Variants in ACSF2 observed in about 807,000 individuals in gnomAD.
ACSF2 encodes medium-chain acyl-CoA ligase ACSF2, mitochondrial.
In ACSF2, 52 loss-of-function variants were observed where a neutral mutation model predicts 79.3. That is an observed-to-expected ratio of 0.66 (90% confidence interval 0.53 to 0.83). The LOEUF is 0.83. Among genes scored for constraint, ACSF2 ranks in the 40% least tolerant of loss-of-function variants. The pLI, the probability that ACSF2 is intolerant of heterozygous loss-of-function variation, is 0.00. For synonymous variants in ACSF2, 283 were observed against 312.6 expected (o/e 0.91, Z 1.00); for missense variants, 661 against 803.3 (o/e 0.82, Z 2.14).
rs182248172 is a variant in ACSF2 at position 50,460,756 on chromosome 17, A to G, written c.208A>G (p.Asn70Asp). 191 of 1,613,480 alleles carry G rather than the reference A, an allele frequency of 1.2e-4. 1 individual carries two copies. Among genetic ancestry groups the G allele is most frequent in the Non-Finnish European group, 8.1e-5 (95 of 1,179,736 alleles). Residue 70 changes from asparagine (N) to aspartate (D), a missense_variant, in exon 2 of 16, where the codon AAC (asparagine) becomes GAC (aspartate). Asn to Asp is a conservative substitution (Grantham distance 23, BLOSUM62 1). Coordinates refer to ENST00000300441, the MANE Select transcript of ACSF2 (RefSeq NM_025149.6). Reference protein sequence around the residue: ...YVQGCTKKHLNSKTVGQCLET... With the variant: ...YVQGCTKKHLDSKTVGQCLET... ...TCAGGGGTGCACCAAAAAGCATCTTAACAGCAAGACTGTGGGCCAGTGCCT... is the reference window on the plus strand; with the variant it reads ...TCAGGGGTGCACCAAAAAGCATCTTGACAGCAAGACTGTGGGCCAGTGCCT...
intron 10 of ACSF2, chr17:50,469,023 G>A: frequency 4.5e-6 from 6 of 1,340,906 alleles, no homozygotes; most frequent in Non-Finnish European, 5.7e-6. Flanking sequence ...CGGGGAAGGG[G>A]GCGGGGCCGT....
At chr17:50,459,703 A>C (rs986323136) in intron 1 of ACSF2, among the ~76,000 whole-genome samples, 1 of 152,022 alleles carries the variant, frequency 6.6e-6, no homozygotes, top group East Asian at 1.9e-4. Context: ...GATGGAGAAA[A>C]CTGGGGAGTA....
At chr17:50,444,704 T>TA (rs1440965969) in intron 1 of ACSF2, among the ~76,000 whole-genome samples, 2 of 151,654 alleles carry the variant, frequency 1.3e-5, no homozygotes, top group African/African-American at 4.8e-5. Context: ...GCAGGCATCA[T>TA]AATATCCATA....
chr17:50,452,047 T>A (rs2031710823), intron 1 of ACSF2, among the ~76,000 whole-genome samples: 1 of 152,106 alleles, frequency 6.6e-6, no homozygotes. Context: ...GCTCCTGACT[T>A]CTCTACTCAG....
chr17:50,459,143 G>A (rs57223264), intron 1 of ACSF2, among the ~76,000 whole-genome samples: 36,363 of 152,182 alleles, frequency 0.24, 4,607 homozygotes, highest in Middle Eastern at 0.38. Context: ...GCCTGTTCAC[G>A]CTTGAACGTC....
At chr17:50,441,758 A>T (rs2030934994) in intron 1 of ACSF2, among the ~76,000 whole-genome samples, 1 of 152,168 alleles carries the variant, frequency 6.6e-6, no homozygotes, top group South Asian at 2.1e-4. Flanking sequence ...CATTTTTCTG[A>T]AATCTGCTTT....
At chr17:50,431,917 T>C (rs1429819797) in intron 1 of ACSF2, among the ~76,000 whole-genome samples, 2 of 152,162 alleles carry the variant, frequency 1.3e-5, no homozygotes, top group Non-Finnish European at 2.9e-5. Flanking sequence ...TTCTTTCTTT[T>C]TTTGGTGGAG....
intron 12 of ACSF2, 87 bp from the exon 13 acceptor site, chr17:50,473,578 T>C (rs774717019): frequency 6.5e-5 from 102 of 1,579,390 alleles, no homozygotes; most frequent in Non-Finnish European, 7.9e-5. Context: ...AGACACATAG[T>C]AGCTGGTCAA....
chr17:50,452,965 C>A (rs1482054385), intron 1 of ACSF2, among the ~76,000 whole-genome samples: 1 of 152,174 alleles, frequency 6.6e-6, no homozygotes, highest in East Asian at 1.9e-4. Context: ...GTTATATTAT[C>A]TCTGATGATC....
At chr17:50,469,113 C>T (rs2143786107) in intron 10 of ACSF2, 1 of 1,104,482 alleles carries the variant, frequency 9.1e-7, no homozygotes, top group Non-Finnish European at 1.1e-6. Context: ...CTGTAGCCCC[C>T]CGCTCTCCTA....
rs753761055 is a variant in ACSF2, at chr17:50,460,852, T to C, written c.304T>C (p.Phe102Leu). ...CCTCCATGAAGACGTCAGGTTGACC[T>C]TTGCCCAACTCAAGGAGGAGGTGGG... ...VVLHEDVRLT[F>L]AQLKEEVDKA... Residue 102 changes from phenylalanine (F) to leucine (L), a missense_variant, in exon 2 of 16, where the codon TTT becomes CTT. Coordinates refer to ENST00000300441, the MANE Select transcript of ACSF2 (RefSeq NM_025149.6). 1 of 1,609,950 alleles carries C rather than the reference T, an allele frequency of 6.2e-7. No individual in the cohort carries two copies.
At chr17:50,435,515 A>T (rs1410495907) in intron 1 of ACSF2, among the ~76,000 whole-genome samples, 1 of 151,640 alleles carries the variant, frequency 6.6e-6, no homozygotes, top group East Asian at 1.9e-4. Flanking sequence ...GGCTCAAGTG[A>T]TCCTCCTGCC....
rs1555611971 is a variant in ACSF2 at position 50,464,777 on chromosome 17, G to GGGT, written c.1215+484_1215+486dup. The GGGT allele has an allele frequency of 1.5e-5, 5 of 331,044 alleles. 1 individual carries two copies. Among genetic ancestry groups the GGGT allele is most frequent in the South Asian group, 6.7e-5 (3 of 44,748 alleles). The allele number at this position is 331,044 out of a possible 1,614,324, so 20.5% of individuals were successfully genotyped here. A position where few individuals can be genotyped will look rare whatever the true frequency, so the allele number is the denominator to read the frequency against. On this transcript the variant is annotated intron_variant, in intron 10 of 15. Transcript: ENST00000300441. ...TGTGGTTCTGATTGACTTGGGGGGG[G>GGGT]GGTCTCAGCAACAGCTTCTCCAAGA...
In ACSF2 at chr17:50,462,493, G is replaced by A. The variant is rs1261164209; in HGVS notation, c.700G>A (p.Ala234Thr). ...PGTLLLDEVV[A>T]AGSTRQHLDQ... is the part of the protein sequence containing the mutation. ...GACCCTGCTCCTGGATGAAGTGGTG[G>A]CGGCTGGCAGCACACGGCAGCATCT... is the stretch of plus-strand genomic sequence containing the variant. The change falls in exon 6 of 16, where the codon GCG becomes ACG. Residue 234 changes from alanine to threonine, a missense_variant. Coordinates refer to ENST00000300441, the MANE Select transcript of ACSF2 (RefSeq NM_025149.6). 1 of 1,613,852 alleles carries A rather than the reference G, an allele frequency of 6.2e-7. No homozygotes were observed. Among genetic ancestry groups the A allele is most frequent in the Admixed American group, 1.7e-5 (1 of 60,008 alleles).
intron 10 of ACSF2, chr17:50,469,080 G>A (rs1047573192): frequency 8.2e-7 from 1 of 1,226,556 alleles, no homozygotes; most frequent in South Asian, 2.7e-5. Context: ...CGTGGCCCCC[G>A]AGCCCCGAGC....
chr17:50,462,968 C>G (rs931302918), intron 6 of ACSF2, 188 bp from the exon 7 acceptor site: 3 of 618,136 alleles, frequency 4.9e-6, no homozygotes, highest in Non-Finnish European at 8.5e-6. Context: ...GAACGGAGAC[C>G]TTATCTTCTG....
At chr17:50,443,811 A>T (rs1034702900) in intron 1 of ACSF2, among the ~76,000 whole-genome samples, 1 of 152,224 alleles carries the variant, frequency 6.6e-6, no homozygotes, top group East Asian at 1.9e-4. Context: ...GTTGAAATTC[A>T]TAGCCATTTT....
intron 10 of ACSF2, among the ~76,000 whole-genome samples, chr17:50,466,886 G>A (rs2032764366): frequency 6.6e-6 from 1 of 152,190 alleles, no homozygotes; most frequent in Non-Finnish European, 1.5e-5. Context: ...GGCCACAGGG[G>A]ACTCCAACTT....
chr17:50,460,692 T>G lies in ACSF2; in HGVS notation c.144T>G (p.Asp48Glu). ...GVRFLSSREV[D>E]RMVSTPIGGL... ...CTCCCTACAGTTCCAGAGAGGTGGA[T>G]CGCATGGTCTCCACGCCCATCGGAG... is the stretch of plus-strand genomic sequence containing the variant. The change falls in exon 2 of 16, where the codon GAT becomes GAG. Residue 48 changes from aspartate (D) to glutamate (E), a missense_variant. Physicochemically the swap from Asp to Glu is conservative, Grantham distance 45 (BLOSUM62 2). Transcript: ENST00000300441. The G allele has an allele frequency of 6.2e-7, 1 of 1,612,132 alleles. No homozygotes were observed. The highest frequency in any genetic ancestry group is 8.5e-7 in the Non-Finnish European group (1 of 1,179,100).
Sources: gnomAD v4.1 joint callset for allele counts (sites outside exome capture counted in the v4.1 genomes callset) on GRCh38, gnomAD v4.1.1 for gene constraint, MANE v1.5 for transcripts, NCBI Gene and HGNC (gene_info 2026-07-23, HGNC 2026-07-21) for gene names.